The following TIAM2 variants were observed in gnomAD, a reference collection of about 807,000 sequenced individuals.
The protein encoded by TIAM2 is rho guanine nucleotide exchange factor TIAM2.
Under a neutral mutation model 152.9 loss-of-function variants are expected in TIAM2, and 80 were observed. The observed-to-expected ratio is 0.52, with a 90% CI of 0.44 to 0.63. The LOEUF (loss-of-function observed/expected upper bound fraction) is 0.63, where lower values mean the gene tolerates loss of function less well. Among genes scored for constraint, TIAM2 ranks in the 30% least tolerant of loss-of-function variants. The pLI is 0.00. For missense variants in TIAM2, 1,965 were observed against 2,120.1 expected (o/e 0.93, Z 1.44); for synonymous variants, 804 against 838.0 (o/e 0.96, Z 0.70).
At chr6:155,160,703 G>A (rs1780246656) in intron 7 of TIAM2, among the ~76,000 whole-genome samples, 1 of 152,126 alleles carries the variant, frequency 6.6e-6, no homozygotes, top group South Asian at 2.1e-4. Context: ...AGAGGTTGCA[G>A]TGAGCCAACA....
Position 155,130,411 on chromosome 6 carries a change from A to G in TIAM2, c.1188A>G (p.Lys396=), listed in dbSNP as rs756432164. The change falls in exon 4 of 27, where the codon AAA becomes AAG. Residue 396 remains lysine, a synonymous_variant. Coordinates refer to ENST00000682666, the MANE Select transcript of TIAM2 (RefSeq NM_012454.4). ...WTGSLSRKKR[K]LQEPRSKEGS... is the part of the protein sequence containing the mutation. Reference sequence around the variant, plus strand: ...GAAGCCTCTCAAGGAAGAAAAGGAAACTCCAGGTGAGCATACCTTAGAGCA... The same window carrying G: ...GAAGCCTCTCAAGGAAGAAAAGGAAGCTCCAGGTGAGCATACCTTAGAGCA... 2.5e-6 allele frequency: 4 copies of G among 1,612,526 alleles called. No individual in the cohort carries two copies. In the South Asian group the frequency reaches 4.4e-5, roughly 18 times the overall value.
At chr6:155,244,924 GT>G in intron 18 of TIAM2, 141 bp downstream of exon 18, 1 of 1,081,690 alleles carries the variant, frequency 9.2e-7, no homozygotes, top group Non-Finnish European at 1.2e-6. Flanking sequence ...TCCTTGCACC[GT>G]TTTCCTCTGT....
intron 2 of TIAM2, among the ~76,000 whole-genome samples, chr6:155,115,289 T>C (rs900815683): frequency 3.9e-5 from 6 of 152,024 alleles, no homozygotes; most frequent in Non-Finnish European, 8.8e-5. Flanking sequence ...CTCAAACTCC[T>C]GGGCTCAAGG....
At chr6:155,089,611 A>T (rs2114978097) in intron 1 of TIAM2, among the ~76,000 whole-genome samples, 1 of 152,294 alleles carries the variant, frequency 6.6e-6, no homozygotes. Flanking sequence ...TTCTTCGCTG[A>T]TCCCTCTGCC....
intron 2 of TIAM2, among the ~76,000 whole-genome samples, chr6:155,108,370 T>C (rs991327649): frequency 2.0e-5 from 3 of 152,140 alleles, no homozygotes; most frequent in Non-Finnish European, 4.4e-5. Context: ...ATCTAAAAAA[T>C]GCGGCTCTGA....
At chr6:155,016,534 TAA>T (rs71890723) in intron 1 of TIAM2, among the ~76,000 whole-genome samples, 367 of 110,656 alleles carry the variant, frequency 3.3e-3, no homozygotes, top group South Asian at 4.1e-3. Context: ...ATTTAAATGG[TAA>T]ATTTAAATTT....
chr6:155,090,039 A>G (rs1240335718), intron 1 of TIAM2, among the ~76,000 whole-genome samples: 1 of 152,086 alleles, frequency 6.6e-6, no homozygotes, highest in Non-Finnish European at 1.5e-5. Context: ...TCTATCTTCA[A>G]ATGGCTTAGT....
rs978207299 is a variant in TIAM2, at chr6:155,252,944, A to G, written c.4120-4A>G. 2.5e-6 allele frequency: 4 copies of G among 1,613,704 alleles called. No homozygotes were observed. Among genetic ancestry groups the G allele is most frequent in the Non-Finnish European group, 3.4e-6 (4 of 1,179,736 alleles). ...ACTTTTCTTGGTGGGCCTTCATGTT[A>G]CAGCCCTCGAATTCCCGGCCTGCAC... On this transcript the variant is annotated splice_region_variant and splice_polypyrimidine_tract_variant and intron_variant, in intron 23 of 26. Coordinates refer to ENST00000682666, the MANE Select transcript of TIAM2 (RefSeq NM_012454.4).
intron 1 of TIAM2, among the ~76,000 whole-genome samples, chr6:155,086,264 T>C (rs1305666811): frequency 6.6e-6 from 1 of 152,212 alleles, no homozygotes; most frequent in Non-Finnish European, 1.5e-5. Flanking sequence ...TGAGTTCTAG[T>C]CTTAGCTCTT....
Position 155,248,112 on chromosome 6 carries a change from C to T in TIAM2, c.3765C>T (p.Tyr1255=). 1 of 1,614,194 alleles carries T rather than the reference C, an allele frequency of 6.2e-7. No individual in the cohort carries two copies. Among genetic ancestry groups the T allele is most frequent in the Non-Finnish European group, 8.5e-7 (1 of 1,180,050 alleles). ...LIKPVQRVLK[Y]PLLLKELVSL... ...AGCCGGTTCAGAGAGTGCTCAAGTA[C>T]CCGCTGCTGCTCAAGGAGCTGGTGT... Residue 1255 remains tyrosine, a synonymous_variant, in exon 20 of 27, where the codon TAC becomes TAT. Coordinates refer to ENST00000682666, the MANE Select transcript of TIAM2 (RefSeq NM_012454.4).
At chr6:155,148,392 T>TGAAC in intron 7 of TIAM2, 58 bp downstream of exon 7, 1 of 1,455,956 alleles carries the variant, frequency 6.9e-7, no homozygotes, top group Non-Finnish European at 9.5e-7. Flanking sequence ...GTGCAGTGAC[T>TGAAC]GAACGCATGC....
intron 9 of TIAM2, 52 bp downstream of exon 9, chr6:155,165,461 C>T (rs774947051): frequency 1.3e-6 from 2 of 1,566,190 alleles, no homozygotes; most frequent in East Asian, 4.5e-5. Context: ...CCTGAAACCC[C>T]TAATTTTCGG....
chr6:155,154,894 C>T (rs758587553), intron 7 of TIAM2, among the ~76,000 whole-genome samples: 1 of 152,096 alleles, frequency 6.6e-6, no homozygotes, highest in Non-Finnish European at 1.5e-5. Context: ...GGACGGATTG[C>T]GTTTGGACAA....
Position 155,196,763 on chromosome 6 carries a change from C to T in TIAM2, c.3064+13263C>T, listed in dbSNP as rs549036893. Among the ~76,000 whole-genome samples the T allele has an allele frequency of 2.4e-3, 367 of 152,322 alleles. 4 individuals carry two copies. Among genetic ancestry groups the T allele is most frequent in the Non-Finnish European group, 3.5e-3 (236 of 68,020 alleles). On this transcript the variant is annotated intron_variant, in intron 14 of 26. Coordinates refer to ENST00000682666, the MANE Select transcript of TIAM2 (RefSeq NM_012454.4). ...CAAATTGTAGCACATCAGTTCCTTT[C>T]ATTTCAGACAATTTAGTTCTGATCT... is the stretch of plus-strand genomic sequence containing the variant.
chr6:155,189,119 C>T (rs1781124727), intron 14 of TIAM2, among the ~76,000 whole-genome samples: 2 of 152,290 alleles, frequency 1.3e-5, no homozygotes, highest in South Asian at 2.1e-4. Flanking sequence ...TATATAGCTT[C>T]TCACCAGGGA....
chr6:155,154,269 A>G (rs145660478), intron 7 of TIAM2, among the ~76,000 whole-genome samples: 65 of 152,342 alleles, frequency 4.3e-4, no homozygotes, highest in African/African-American at 1.4e-3. Context: ...TAAAAATAGA[A>G]TGTGCAATGT....
intron 17 of TIAM2, 111 bp from the exon 18 acceptor site, chr6:155,244,547 C>T (rs1269620442): frequency 5.3e-6 from 7 of 1,328,010 alleles, no homozygotes; most frequent in African/African-American, 2.9e-5. Context: ...TACTTTCTGT[C>T]TGCTTTTCCG....
At chr6:155,210,300 C>G (rs995245385) in intron 14 of TIAM2, among the ~76,000 whole-genome samples, 7 of 148,942 alleles carry the variant, frequency 4.7e-5, no homozygotes, top group African/African-American at 1.7e-4. Flanking sequence ...TTACCCCCTC[C>G]CCTTCCTTCC....
chr6:155,202,883 C>CAA (rs36086677), intron 14 of TIAM2, among the ~76,000 whole-genome samples: 5 of 109,146 alleles, frequency 4.6e-5, no homozygotes, highest in Non-Finnish European at 7.1e-5. Context: ...ACTAAAAATA[C>CAA]AAAAAAAAAA....
Sources: gnomAD v4.1 joint callset for allele counts (sites outside exome capture counted in the v4.1 genomes callset) on GRCh38, gnomAD v4.1.1 for gene constraint, MANE v1.5 for transcripts, NCBI Gene and HGNC (gene_info 2026-07-23, HGNC 2026-07-21) for gene names.